The following FRMPD4 variants were observed in gnomAD, a reference collection of about 807,000 sequenced individuals.
FRMPD4 encodes the protein FERM and PDZ domain containing 4.
Under a neutral mutation model 94.1 loss-of-function variants are expected in FRMPD4, and 22 were observed. That is an observed-to-expected ratio of 0.23 (90% CI 0.17 to 0.33). The LOEUF (loss-of-function observed/expected upper bound fraction) is 0.33, where lower values mean the gene tolerates loss of function less well. FRMPD4 is among the 10% of genes least tolerant of loss of function. The pLI is 1.00. For synonymous variants in FRMPD4, 631 were observed against 548.6 expected, an observed-to-expected ratio of 1.15 and a Z score of -2.10; for missense variants, 1,111 against 1,339.9, an observed-to-expected ratio of 0.83 and a Z score of 2.67.
chrX:12,087,263 G>A (rs1306755766), intron 3 of FRMPD4, among the ~76,000 whole-genome samples: 1 of 111,432 alleles, frequency 9.0e-6, no homozygotes, highest in African/African-American at 3.3e-5. Context: ...GAGAGGAATG[G>A]GGGCTAAGAG....
Position 12,718,499 on chromosome X carries a change from G to A in FRMPD4, c.3673G>A (p.Gly1225Ser). 1 of 1,202,938 alleles carries A rather than the reference G, an allele frequency of 8.3e-7. No homozygotes were observed. Among genetic ancestry groups the A allele is most frequent in the Non-Finnish European group, 1.1e-6 (1 of 887,518 alleles). ...TTCAGTGGATGCAGGCTGTGGCACA[G>A]GCAGCAGTGGCAGTGCCTGTGCCAC... ...GSSVDAGCGT[G>S]SSGSACATPV... Residue 1225 changes from glycine to serine, a missense_variant, in exon 16 of 17, where the codon GGC becomes AGC. This residue lies in a region of FRMPD4 where 551 missense variants were observed against 591.6 expected (regional missense o/e 0.93). Coordinates refer to ENST00000675598, the MANE Select transcript of FRMPD4 (RefSeq NM_001368397.1).
rs140930997 is a variant in FRMPD4 at position 12,157,977 on chromosome X, C to T, written c.41+18965C>T. On this transcript the variant is annotated intron_variant, in intron 1 of 16. Transcript: ENST00000675598. ...TTGTGTGTTTGTGTGTATACACTTG[C>T]TCATGTGTGTGTAGACAGAGAATGG... 4.3e-3 allele frequency among the ~76,000 whole-genome samples: 481 copies of T among 111,681 alleles called. 4 individuals are homozygous for T. The highest frequency in any genetic ancestry group is 0.015 in the African/African-American group (459 of 30,672).
chrX:12,715,862 T>C (rs2042067917), intron 14 of FRMPD4, among the ~76,000 whole-genome samples: 1 of 112,265 alleles, frequency 8.9e-6, no homozygotes, highest in South Asian at 3.7e-4. Flanking sequence ...AGTATCAATT[T>C]TGTTAAGGTC....
intron 3 of FRMPD4, among the ~76,000 whole-genome samples, chrX:12,053,442 A>G (rs1469629309): frequency 1.9e-5 from 2 of 105,638 alleles, no homozygotes; most frequent in Non-Finnish European, 3.9e-5. Context: ...GAAAGAAAGA[A>G]GAGAAGAGAA....
chrX:12,338,287 A>G (rs2055557246), intron 1 of FRMPD4, among the ~76,000 whole-genome samples: 1 of 111,860 alleles, frequency 8.9e-6, no homozygotes, highest in African/African-American at 3.3e-5. Context: ...TGTGTCCTAG[A>G]CAGTATATAG....
At chrX:12,366,422 AT>A (rs1285057142) in intron 1 of FRMPD4, among the ~76,000 whole-genome samples, 1 of 111,202 alleles carries the variant, frequency 9.0e-6, no homozygotes, top group African/African-American at 3.3e-5. Context: ...ACAGGATCAT[AT>A]TAGCAAAACA....
intron 1 of FRMPD4, among the ~76,000 whole-genome samples, chrX:12,284,417 C>T (rs4830769): frequency 0.25 from 27,978 of 110,757 alleles, 2,759 homozygotes; most frequent in Admixed American, 0.46. Flanking sequence ...ACAAAAGGGA[C>T]TCATTCTGTC....
intron 14 of FRMPD4, among the ~76,000 whole-genome samples, chrX:12,715,214 T>G (rs1369802370): frequency 8.9e-6 from 1 of 112,396 alleles, no homozygotes; most frequent in Non-Finnish European, 1.9e-5. Context: ...AATTCCAGAT[T>G]GAAAGATGCT....
intron 1 of FRMPD4, among the ~76,000 whole-genome samples, chrX:12,335,649 C>A (rs762888174): frequency 9.0e-6 from 1 of 111,245 alleles, no homozygotes; most frequent in South Asian, 3.9e-4. Context: ...AATTCCAGGG[C>A]ACTTAAACCT....
At chrX:12,068,355 G>T (rs1032111003) in intron 3 of FRMPD4, among the ~76,000 whole-genome samples, 1 of 109,847 alleles carries the variant, frequency 9.1e-6, no homozygotes, top group African/African-American at 3.3e-5. Context: ...GCAGCAAGAA[G>T]AAACTAACGC....
intron 1 of FRMPD4, among the ~76,000 whole-genome samples, chrX:12,378,665 A>G (rs1361781012): frequency 1.8e-5 from 2 of 112,342 alleles, no homozygotes; most frequent in East Asian, 5.6e-4. Context: ...AGAGGGAGTT[A>G]TATTTCACTT....
intron 1 of FRMPD4, among the ~76,000 whole-genome samples, chrX:12,162,418 CCTT>C (rs375515897): frequency 8.9e-5 from 10 of 112,320 alleles, no homozygotes; most frequent in African/African-American, 3.2e-4. Flanking sequence ...TACTGCAGCA[CCTT>C]CTTCTTGGAA....
intron 1 of FRMPD4, among the ~76,000 whole-genome samples, chrX:12,157,828 G>C (rs1288900609): frequency 1.8e-5 from 2 of 112,790 alleles, no homozygotes; most frequent in Non-Finnish European, 3.7e-5. Context: ...GATTGGCAAA[G>C]AATCTTCTCT....
intron 3 of FRMPD4, among the ~76,000 whole-genome samples, chrX:11,941,689 GC>G (rs2054160878): frequency 8.9e-6 from 1 of 112,601 alleles, no homozygotes; most frequent in South Asian, 3.6e-4. Context: ...TCGGCTTCAA[GC>G]AAGCGTCTAG....
chrX:12,264,424 G>T (rs184683661), intron 1 of FRMPD4, among the ~76,000 whole-genome samples: 2 of 111,651 alleles, frequency 1.8e-5, no homozygotes, highest in East Asian at 5.6e-4. Context: ...TTGTCTTAGG[G>T]GCTCAAGACC....
chrX:12,132,888 G>A (rs1455502242), intron 3 of FRMPD4, among the ~76,000 whole-genome samples: 2 of 110,410 alleles, frequency 1.8e-5, no homozygotes. Context: ...GAGAACTTTT[G>A]GGAGAAGATA....
At chrX:12,034,332 T>C (rs943074380) in intron 3 of FRMPD4, among the ~76,000 whole-genome samples, 1 of 111,782 alleles carries the variant, frequency 8.9e-6, no homozygotes, top group African/African-American at 3.3e-5. Flanking sequence ...AGAGAGATGA[T>C]TGTAAGCAAG....
intron 1 of FRMPD4, among the ~76,000 whole-genome samples, chrX:12,184,041 C>T (rs2056394319): frequency 9.1e-6 from 1 of 110,079 alleles, no homozygotes. Flanking sequence ...ACTGGAACTG[C>T]ATATTGAAAG....
intron 3 of FRMPD4, among the ~76,000 whole-genome samples, chrX:12,121,829 G>C (rs1850610793): frequency 9.0e-6 from 1 of 111,455 alleles, no homozygotes; most frequent in African/African-American, 3.3e-5. Flanking sequence ...CTGCAGGAAG[G>C]GTCCTAGGGA....
Sources: allele counts gnomAD v4.1 joint callset (sites outside exome capture counted in the v4.1 genomes callset), GRCh38; gene constraint gnomAD v4.1.1; regional missense constraint gnomAD v4.1.1; transcripts MANE v1.5; gene names NCBI Gene and HGNC (gene_info 2026-07-23, HGNC 2026-07-21).